The following NR5A2 variants were observed in gnomAD, a reference collection of about 807,000 sequenced individuals.
NR5A2 encodes nuclear receptor subfamily 5 group A member 2.
In NR5A2, 26 loss-of-function variants were observed where a neutral mutation model predicts 62.7. The observed-to-expected ratio is 0.41, with a 90% confidence interval of 0.30 to 0.58. The LOEUF is 0.58. NR5A2 is among the 20% of genes least tolerant of loss of function. The pLI, the probability that NR5A2 is intolerant of heterozygous loss-of-function variation, is 0.22. For synonymous variants in NR5A2, 246 were observed against 241.7 expected (o/e 1.02, Z -0.16); for missense variants, 541 against 669.1 (o/e 0.81, Z 2.11).
chr1:200,062,064 T>G (rs1395890524), intron 5 of NR5A2, among the ~76,000 whole-genome samples: 1 of 152,192 alleles, frequency 6.6e-6, no homozygotes, highest in Non-Finnish European at 1.5e-5. Context: ...TAAGCAACAT[T>G]CCATAGATAT....
intron 5 of NR5A2, among the ~76,000 whole-genome samples, chr1:200,108,230 G>A (rs1665784518): frequency 6.6e-6 from 1 of 151,848 alleles, no homozygotes; most frequent in Non-Finnish European, 1.5e-5. Context: ...AGTAGCAGGT[G>A]TGTGCCACCA....
chr1:200,102,539 T>C (rs1056197222), intron 5 of NR5A2, among the ~76,000 whole-genome samples: 1 of 152,138 alleles, frequency 6.6e-6, no homozygotes, highest in East Asian at 1.9e-4. Context: ...CATGTGAACG[T>C]TGGGCAGGAC....
chr1:200,073,817 A>G (rs1663870496), intron 5 of NR5A2, among the ~76,000 whole-genome samples: 1 of 152,194 alleles, frequency 6.6e-6, no homozygotes, highest in Admixed American at 6.5e-5. Context: ...AGCAGCAGGG[A>G]TACGAAGTCG....
intron 7 of NR5A2, among the ~76,000 whole-genome samples, chr1:200,132,778 A>C (rs972143316): frequency 1.4e-5 from 2 of 140,630 alleles, no homozygotes; most frequent in African/African-American, 5.3e-5. Context: ...CTCTGAAAGG[A>C]GTTGGGAAAC....
At chr1:200,094,045 T>G (rs1212195274) in intron 5 of NR5A2, among the ~76,000 whole-genome samples, 3 of 152,088 alleles carry the variant, frequency 2.0e-5, no homozygotes, top group Non-Finnish European at 4.4e-5. Flanking sequence ...GGCACATGCC[T>G]GTAGTCCCAG....
intron 6 of NR5A2, among the ~76,000 whole-genome samples, chr1:200,112,655 G>A (rs1362519614): frequency 1.3e-5 from 2 of 152,186 alleles, no homozygotes; most frequent in East Asian, 3.9e-4. Context: ...TCTGGTCCTT[G>A]CTATCTGCAC....
At chr1:200,133,536 T>C (rs570709116) in intron 7 of NR5A2, among the ~76,000 whole-genome samples, 3,581 of 42,258 alleles carry the variant, frequency 0.085, 75 homozygotes, top group African/African-American at 0.16. Context: ...TACACACACA[T>C]ATATATATAT....
At chr1:200,161,034 C>T (rs925285122) in intron 7 of NR5A2, among the ~76,000 whole-genome samples, 2 of 151,490 alleles carry the variant, frequency 1.3e-5, no homozygotes, top group Non-Finnish European at 2.9e-5. Context: ...CTGCTCTTTA[C>T]GAATGTGGAT....
In NR5A2 at chr1:200,147,569, C is replaced by T. The variant is rs1255699044; in HGVS notation, c.1379-26394C>T. 11 of 701,920 alleles carry T rather than the reference C, an allele frequency of 1.6e-5. No homozygotes were observed. Among genetic ancestry groups the T allele is most frequent in the South Asian group, 4.0e-5 (3 of 74,246 alleles). The allele number at this position is 701,920 out of a possible 1,614,324, so 43.5% of individuals were successfully genotyped here. A position where few individuals can be genotyped will look rare whatever the true frequency, so the allele number is the denominator to read the frequency against. On this transcript the variant is annotated intron_variant, in intron 7 of 7. Transcript: ENST00000367362. The surrounding 1 kb of genome is among the most constrained non-coding windows in gnomAD (Gnocchi z 4.9). ...GGTTTCTCCATTGGTGTGCTTAAAGCGATCTCCTCTACACGAACGCTAGGG... is the reference window on the plus strand; with the variant it reads ...GGTTTCTCCATTGGTGTGCTTAAAGTGATCTCCTCTACACGAACGCTAGGG...
At chr1:200,152,622 G>C (rs1380012974) in intron 7 of NR5A2, among the ~76,000 whole-genome samples, 2 of 152,056 alleles carry the variant, frequency 1.3e-5, no homozygotes, top group Non-Finnish European at 2.9e-5. Context: ...TGATTTTTGG[G>C]CATCTGTTTT....
At chr1:200,141,663 G>A (rs1005238545) in intron 7 of NR5A2, among the ~76,000 whole-genome samples, 3 of 152,140 alleles carry the variant, frequency 2.0e-5, no homozygotes, top group African/African-American at 7.2e-5. Flanking sequence ...GGAAACATAG[G>A]TCTATAATCT....
At chr1:200,130,765 A>T (rs1025449393) in intron 7 of NR5A2, among the ~76,000 whole-genome samples, 4 of 152,144 alleles carry the variant, frequency 2.6e-5, no homozygotes, top group African/African-American at 9.7e-5. Flanking sequence ...TCCTCTAAAT[A>T]TGATTACATA....
intron 5 of NR5A2, among the ~76,000 whole-genome samples, chr1:200,050,869 G>A (rs1662597528): frequency 6.6e-6 from 1 of 152,206 alleles, no homozygotes; most frequent in Non-Finnish European, 1.5e-5. Flanking sequence ...TCGAGCCTGG[G>A]TGACAAGAGC....
At chr1:200,077,215 C>T (rs1022379125) in intron 5 of NR5A2, among the ~76,000 whole-genome samples, 27 of 152,110 alleles carry the variant, frequency 1.8e-4, no homozygotes, top group African/African-American at 2.4e-4. Flanking sequence ...AATTAGGTTT[C>T]GGCATCACAG....
At chr1:200,169,138 G>A (rs1377710398) in intron 7 of NR5A2, among the ~76,000 whole-genome samples, 1 of 152,056 alleles carries the variant, frequency 6.6e-6, no homozygotes, top group Admixed American at 6.6e-5. Flanking sequence ...AAGCCCAGGA[G>A]TTCAAGGCTA....
At position 200,148,036 on chromosome 1, in the gene NR5A2, C is replaced by T. The variant is rs1667796961; in HGVS notation, c.1379-25927C>T. Reference sequence around the variant, plus strand: ...AGTTCGAAGGCCACGTTGGGCAGGTCGCTGGAGCGCACGGTCCCCATGCAG... The same window carrying T: ...AGTTCGAAGGCCACGTTGGGCAGGTTGCTGGAGCGCACGGTCCCCATGCAG... On this transcript the variant is annotated intron_variant, in intron 7 of 7. Coordinates refer to ENST00000367362, the MANE Select transcript of NR5A2 (RefSeq NM_205860.3). 9.9e-6 allele frequency: 3 copies of T among 302,430 alleles called. No homozygotes were observed. In the South Asian group the frequency reaches 1.6e-4, roughly 16 times the overall value. The allele number at this position is 302,430 out of a possible 1,614,324, so 18.7% of individuals were successfully genotyped here.
At chr1:200,112,277 C>CCTAA (rs1665989993) in intron 6 of NR5A2, among the ~76,000 whole-genome samples, 1 of 152,132 alleles carries the variant, frequency 6.6e-6, no homozygotes, top group African/African-American at 2.4e-5. Flanking sequence ...ACTTAATAGA[C>CCTAA]CTAACTGCAA....
chr1:200,130,071 TTTGTG>T (rs1343493297), intron 7 of NR5A2, among the ~76,000 whole-genome samples: 2 of 152,102 alleles, frequency 1.3e-5, no homozygotes, highest in Admixed American at 1.3e-4. Flanking sequence ...ACTTGTTGAG[TTTGTG>T]TTGTGTTGTG....
At position 200,165,257 on chromosome 1, in the gene NR5A2, G is replaced by T. The variant is rs556443868; in HGVS notation, c.1379-8706G>T. Among the ~76,000 whole-genome samples the T allele has an allele frequency of 2.6e-5, 4 of 151,200 alleles. No individual in the cohort carries two copies. The South Asian group carries it at 6.2e-4, about 23-fold the overall frequency. On this transcript the variant is annotated intron_variant, in intron 7 of 7. Transcript: ENST00000367362. ...CATAACCCCTGCCCCGCTACTGTCA[G>T]CATTCCCCTACCAGCACAAGCCTCC...
Sources: gnomAD v4.1 joint callset for allele counts (sites outside exome capture counted in the v4.1 genomes callset) on GRCh38, gnomAD v4.1.1 for gene constraint, Gnocchi (gnomAD v3.1) non-coding constraint, MANE v1.5 for transcripts, NCBI Gene and HGNC (gene_info 2026-07-23, HGNC 2026-07-21) for gene names.